Variants in PLPBP observed in about 807,000 individuals in gnomAD.
PLPBP encodes pyridoxal phosphate homeostasis protein.
A neutral mutation model predicts 31.2 loss-of-function variants in PLPBP; 21 were observed. That is an observed-to-expected ratio of 0.67 (90% CI 0.48 to 0.97). PLPBP has a LOEUF of 0.97. Ranked by LOEUF, PLPBP falls within the 50% of genes least tolerant of loss-of-function variation. The pLI is 0.00. For synonymous variants in PLPBP, 124 were observed against 135.6 expected (o/e 0.91, Z 0.59); for missense variants, 308 against 354.4 (o/e 0.87, Z 1.05).
intron 1 of PLPBP, 102 bp from the exon 2 acceptor site, chr8:37,765,424 A>C: frequency 1.8e-6 from 2 of 1,091,848 alleles, no homozygotes; most frequent in South Asian, 2.6e-5. Flanking sequence ...CCTAATGCCA[A>C]GTTGAGATCA....
chr8:37,775,924 T>C lies in PLPBP; in HGVS notation c.604T>C (p.Leu202=), dbSNP rs372681891. 1.4e-5 allele frequency: 22 copies of C among 1,612,986 alleles called. No individual in the cohort carries two copies. The African/African-American group carries it at 2.5e-4, about 19-fold the overall frequency. ...TGTCATCTCTTTCTGTCAGCTGTTA[T>C]TGTCCCTCCGGGAGGAGCTGTGTAA... is the stretch of plus-strand genomic sequence containing the variant. ...QGPNPDFQLL[L]SLREELCKKL... Residue 202 remains leucine (L), a synonymous_variant, in exon 7 of 8, where the codon TTG becomes CTG. Transcript: ENST00000328195.
intron 1 of PLPBP, among the ~76,000 whole-genome samples, chr8:37,763,233 ACTTCG>A (rs1265656085): frequency 6.6e-6 from 1 of 152,166 alleles, no homozygotes; most frequent in Non-Finnish European, 1.5e-5. Context: ...GACTGGCCGG[ACTTCG>A]CTGGCATCAG....
chr8:37,777,863 G>T, intron 7 of PLPBP, 110 bp from the exon 8 acceptor site: 1 of 1,293,444 alleles, frequency 7.7e-7, no homozygotes. Context: ...GAGCCACCAC[G>T]CCCCGTCCAT....
intron 5 of PLPBP, among the ~76,000 whole-genome samples, chr8:37,773,474 T>G (rs553881489): frequency 9.5e-5 from 14 of 147,844 alleles, no homozygotes; most frequent in African/African-American, 3.0e-4. Flanking sequence ...TCAGCCTTTT[T>G]TTTTTTTTTT....
At chr8:37,762,957 C>T (rs1243178420) in intron 1 of PLPBP, among the ~76,000 whole-genome samples, 199 bp downstream of exon 1, 1 of 152,180 alleles carries the variant, frequency 6.6e-6, no homozygotes, top group Non-Finnish European at 1.5e-5. Context: ...TGGAGATTGG[C>T]TTCGTTGGAG....
chr8:37,775,507 C>T (rs557337117), intron 6 of PLPBP, 26 bp downstream of exon 6: 6 of 1,612,526 alleles, frequency 3.7e-6, no homozygotes, highest in African/African-American at 2.7e-5. Context: ...GGAGATTGCT[C>T]GTGTGCTAAA....
Position 37,766,315 on chromosome 8 carries a change from C to T in PLPBP, c.279C>T (p.Phe93=), listed in dbSNP as rs2129777274. Residue 93 remains phenylalanine (F), a synonymous_variant, in exon 4 of 8, where the codon TTC becomes TTT. Coordinates refer to ENST00000328195, the MANE Select transcript of PLPBP (RefSeq NM_007198.4). ...TGTGTCCTGAGATCAAATGGCACTTCATTGGCCACCTACAGAAACAAAATG... is the reference window on the plus strand; with the variant it reads ...TGTGTCCTGAGATCAAATGGCACTTTATTGGCCACCTACAGAAACAAAATG... The part of the protein sequence containing the change: ...LSLCPEIKWH[F]IGHLQKQNVN... The T allele has an allele frequency of 1.2e-6, 2 of 1,610,494 alleles. No individual in the cohort carries two copies. Among genetic ancestry groups the T allele is most frequent in the Non-Finnish European group, 1.7e-6 (2 of 1,178,450 alleles).
At chr8:37,775,522 C>T (rs1288957339) in intron 6 of PLPBP, 41 bp downstream of exon 6, 1 of 1,611,604 alleles carries the variant, frequency 6.2e-7, no homozygotes, top group Non-Finnish European at 8.5e-7. Context: ...GCTAAAGAAG[C>T]AGGGTGCTGG....
In PLPBP at chr8:37,765,545, C is replaced by T. The variant is rs372260705; in HGVS notation, c.119C>T (p.Pro40Leu). The T allele has an allele frequency of 2.0e-5, 33 of 1,613,906 alleles. No individual in the cohort carries two copies. The highest frequency in any genetic ancestry group is 2.5e-5 in the Non-Finnish European group (29 of 1,179,970). Residue 40 changes from proline to leucine, a missense_variant, in exon 2 of 8, where the codon CCC (proline) becomes CTC (leucine). Coordinates refer to ENST00000328195, the MANE Select transcript of PLPBP (RefSeq NM_007198.4). Reference protein sequence around the residue: ...RRPRDLPAIQPRLVAVSKTKP... With the variant: ...RRPRDLPAIQLRLVAVSKTKP... ...TGGCAGGATCTCCCAGCCATCCAGC[C>T]CCGGCTAGTGGCGGTCAGCAAAACC... is the stretch of plus-strand genomic sequence containing the variant.
rs1803604155 is a variant in PLPBP at position 37,765,599 on chromosome 8, A to G, written c.173A>G (p.Tyr58Cys). ...CCTGCAGACATGGTGATCGAGGCCT[A>G]TGGACATGGGCAGCGCACTTTTGGC... The part of the protein sequence containing the change: ...TKPADMVIEA[Y>C]GHGQRTFGEN... Residue 58 changes from tyrosine (Y) to cysteine (C), a missense_variant, in exon 2 of 8, where the codon TAT becomes TGT. Physicochemically the swap from Tyr to Cys is radical, Grantham distance 194. Around this residue, in one of 2 missense-constraint regions of PLPBP, gnomAD observed 120 missense variants for 95.1 expected, o/e 1.26. Transcript: ENST00000328195. 3 of 1,614,068 alleles carry G rather than the reference A, an allele frequency of 1.9e-6. No homozygotes were observed. Among genetic ancestry groups the G allele is most frequent in the Non-Finnish European group, 2.5e-6 (3 of 1,180,024 alleles).
At chr8:37,762,814 C>G in intron 1 of PLPBP, 56 bp downstream of exon 1, 2 of 1,520,464 alleles carry the variant, frequency 1.3e-6, no homozygotes, top group African/African-American at 1.4e-5. Flanking sequence ...AGAGGGACAC[C>G]TGCGTGGGAA....
Position 37,778,084 on chromosome 8 carries a change from G to A in PLPBP, c.808G>A (p.Glu270Lys), listed in dbSNP as rs997644544. 1 of 1,613,456 alleles carries A rather than the reference G, an allele frequency of 6.2e-7. No homozygotes were observed. The highest frequency in any genetic ancestry group is 1.3e-5 in the African/African-American group (1 of 75,054). ...KCAADVKAPL[E>K]VAQEH Reference sequence around the variant, plus strand: ...CGCAGCAGACGTGAAGGCCCCGCTGGAGGTGGCACAGGAGCACTGAGCCAG... The same window carrying A: ...CGCAGCAGACGTGAAGGCCCCGCTGAAGGTGGCACAGGAGCACTGAGCCAG... The change falls in exon 8 of 8, where the codon GAG (glutamate) becomes AAG (lysine). Residue 270 changes from glutamate to lysine, a missense_variant. By Grantham distance (56) the Glu-to-Lys change is moderately conservative. Around this residue, in one of 2 missense-constraint regions of PLPBP, gnomAD observed 188 missense variants for 259.3 expected, o/e 0.73. Transcript: ENST00000328195.
At chr8:37,768,327 T>C (rs1472277814) in intron 4 of PLPBP, among the ~76,000 whole-genome samples, 1 of 152,140 alleles carries the variant, frequency 6.6e-6, no homozygotes, top group Non-Finnish European at 1.5e-5. Context: ...TAACACACCT[T>C]GAAGGTGGAC....
intron 4 of PLPBP, among the ~76,000 whole-genome samples, chr8:37,767,799 C>CTTTTTTTTTTT (rs1175107737): frequency 4.3e-4 from 43 of 98,936 alleles, no homozygotes; most frequent in African/African-American, 5.6e-4. Flanking sequence ...CTTTTATTTA[C>CTTTTTTTTTTT]TTTTTTTTTT....
chr8:37,776,152 A>C (rs1174331991), intron 7 of PLPBP, 136 bp downstream of exon 7: 6 of 774,280 alleles, frequency 7.7e-6, no homozygotes, highest in Non-Finnish European at 1.3e-5. Flanking sequence ...AGTGTCAGCT[A>C]TTCCAGCATC....
rs750314588 is a variant in PLPBP, at chr8:37,778,126, T to C, written c.*22T>C. The C allele has an allele frequency of 1.2e-6, 2 of 1,610,048 alleles. No individual in the cohort carries two copies. Among genetic ancestry groups the C allele is most frequent in the Non-Finnish European group, 1.7e-6 (2 of 1,177,390 alleles). On this transcript the variant is annotated 3_prime_UTR_variant, in exon 8 of 8. Coordinates refer to ENST00000328195, the MANE Select transcript of PLPBP (RefSeq NM_007198.4). ...CTGAGCCAGGGAATACTGAGAGCAC[T>C]AACTATGCACTAACCTAGATTTTCA...
rs1281999800 is a variant in PLPBP, at chr8:37,765,627, G to A, written c.201G>A (p.Glu67=). 1 of 1,614,128 alleles carries A rather than the reference G, an allele frequency of 6.2e-7. No homozygotes were observed. Among genetic ancestry groups the A allele is most frequent in the Non-Finnish European group, 8.5e-7 (1 of 1,180,054 alleles). Residue 67 remains glutamate (E), a synonymous_variant, in exon 2 of 8, where the codon GAG becomes GAA. Transcript: ENST00000328195. ...AYGHGQRTFG[E]NYVQELLEKA... ...GACATGGGCAGCGCACTTTTGGCGA[G>A]AACTACGTAAGAGCCCTTTCCTGAA... is the stretch of plus-strand genomic sequence containing the variant.
At chr8:37,769,545 TG>T (rs1177994575) in intron 4 of PLPBP, among the ~76,000 whole-genome samples, 2 of 151,902 alleles carry the variant, frequency 1.3e-5, no homozygotes, top group Admixed American at 6.6e-5. Flanking sequence ...AGGCAAAAAC[TG>T]GGGCAATTTA....
Position 37,768,765 on chromosome 8 carries a change from G to A in PLPBP, c.319+2410G>A, listed in dbSNP as rs997041074. 9.6e-4 allele frequency among the ~76,000 whole-genome samples: 146 copies of A among 152,054 alleles called. 1 individual carries two copies. Among genetic ancestry groups the A allele is most frequent in the African/African-American group, 3.3e-3 (137 of 41,498 alleles). ...TGGGATTACAGGCGTGAGCCACCAC[G>A]CCCGGCGGTTTTGATTTTCATTAAT... On this transcript the variant is annotated intron_variant, in intron 4 of 7. Coordinates refer to ENST00000328195, the MANE Select transcript of PLPBP (RefSeq NM_007198.4).
Sources: gnomAD v4.1 joint callset for allele counts (sites outside exome capture counted in the v4.1 genomes callset) on GRCh38, gnomAD v4.1.1 for gene constraint, gnomAD v4.1.1 regional missense constraint, MANE v1.5 for transcripts, NCBI Gene and HGNC (gene_info 2026-07-23, HGNC 2026-07-21) for gene names.